Variants in TBCD observed in about 807,000 individuals in gnomAD.
The protein encoded by TBCD is tubulin folding cofactor D.
In TBCD, 105 loss-of-function variants were observed where a neutral mutation model predicts 169.3. That is an observed-to-expected ratio of 0.62 (90% CI 0.53 to 0.73). The LOEUF (loss-of-function observed/expected upper bound fraction) is 0.73. Among genes scored for constraint, TBCD ranks in the 30% least tolerant of loss-of-function variants. The probability of loss-of-function intolerance (pLI) is 0.00; values close to 1 mark genes in which losing one functional copy is unlikely to be tolerated. For missense variants in TBCD, 1,444 were observed against 1,600.1 expected, an observed-to-expected ratio of 0.90 and a Z score of 1.66; for synonymous variants, 700 against 643.9, an observed-to-expected ratio of 1.09 and a Z score of -1.32.
intron 2 of TBCD, among the ~76,000 whole-genome samples, chr17:82,760,542 A>T (rs1036725939): frequency 6.6e-6 from 1 of 152,130 alleles, no homozygotes; most frequent in Admixed American, 6.5e-5. Context: ...GTTATTGCTG[A>T]TGTCTAGTGA....
chr17:82,897,688 C>T (rs1201055499), intron 17 of TBCD, among the ~76,000 whole-genome samples: 1 of 152,162 alleles, frequency 6.6e-6, no homozygotes, highest in Non-Finnish European at 1.5e-5. Flanking sequence ...CATGACCCTC[C>T]CTCCAGGAGG....
At chr17:82,935,152 A>C (rs9893200) in intron 34 of TBCD, among the ~76,000 whole-genome samples, 76,270 of 151,716 alleles carry the variant, frequency 0.5, 19,305 homozygotes, top group East Asian at 0.64. Flanking sequence ...ATTTCTCTCT[A>C]CAGTTTTGTC....
rs554562743 is a variant in TBCD at position 82,779,389 on chromosome 17, G to A, written c.639-2200G>A. On this transcript the variant is annotated intron_variant, in intron 6 of 38. Coordinates refer to ENST00000355528, the MANE Select transcript of TBCD (RefSeq NM_005993.5). The stretch of plus-strand genomic sequence containing the variant: ...ACCCACCTCCGCCTCCCAAATTGCT[G>A]GGATTACAGGGGTGAGCCACTGTGC... 2.6e-5 allele frequency among the ~76,000 whole-genome samples: 4 copies of A among 152,286 alleles called. No homozygotes were observed. In the East Asian group the frequency reaches 7.7e-4, roughly 29 times the overall value.
chr17:82,766,539 A>G (rs1377670251), intron 4 of TBCD, among the ~76,000 whole-genome samples, 171 bp downstream of exon 4: 1 of 151,910 alleles, frequency 6.6e-6, no homozygotes, highest in Non-Finnish European at 1.5e-5. Context: ...TACTTCTTGT[A>G]CAAGTTGCTT....
At chr17:82,753,407 A>G (rs2047219849) in intron 1 of TBCD, among the ~76,000 whole-genome samples, 1 of 147,042 alleles carries the variant, frequency 6.8e-6, no homozygotes, top group African/African-American at 2.5e-5. Flanking sequence ...CAGTGAAGCC[A>G]GATTTTTTGT....
chr17:82,881,424 C>T (rs1312053844), intron 14 of TBCD, among the ~76,000 whole-genome samples: 1 of 152,350 alleles, frequency 6.6e-6, no homozygotes, highest in African/African-American at 2.4e-5. Context: ...GGTCCCGGAA[C>T]GTGGGTCTGG....
At chr17:82,850,317 T>TGTTGGCTGTGCTGTC (rs2055651505) in intron 13 of TBCD, among the ~76,000 whole-genome samples, 1 of 150,612 alleles carries the variant, frequency 6.6e-6, no homozygotes, top group Non-Finnish European at 1.5e-5. Flanking sequence ...GCTCTTCTGC[T>TGTTGGCTGTGCTGTC]GTTGGCTGTG....
intron 24 of TBCD, chr17:82,921,262 A>G: frequency 1.8e-6 from 1 of 557,340 alleles, no homozygotes; most frequent in South Asian, 2.5e-5. Context: ...GTGATGTATA[A>G]AAATTTACAG....
At chr17:82,768,255 G>A (rs900457582) in intron 4 of TBCD, among the ~76,000 whole-genome samples, 165 bp from the exon 5 acceptor site, 4 of 152,038 alleles carry the variant, frequency 2.6e-5, no homozygotes, top group African/African-American at 7.3e-5. Context: ...GGGATGTGGC[G>A]AGGAGTTGGT....
intron 9 of TBCD, among the ~76,000 whole-genome samples, chr17:82,803,190 C>G (rs184922432): frequency 6.6e-6 from 1 of 152,266 alleles, no homozygotes; most frequent in African/African-American, 2.4e-5. Context: ...AGCCTTGGCT[C>G]GAGGCTTTGT....
chr17:82,884,069 G>C lies in TBCD; in HGVS notation c.1476-76G>C. On this transcript the variant is annotated intron_variant, in intron 14 of 38. Coordinates refer to ENST00000355528, the MANE Select transcript of TBCD (RefSeq NM_005993.5). The surrounding 1 kb of genome is among the most constrained non-coding windows in gnomAD (Gnocchi z 4.2). ...AGTGGGCCTGAGTCGTGAGAGAAAG[G>C]CTTTCTCATCGATACTGTGTGGTCT... The C allele has an allele frequency of 7.1e-7, 1 of 1,413,278 alleles. No individual in the cohort carries two copies. The highest frequency in any genetic ancestry group is 9.8e-7 in the Non-Finnish European group (1 of 1,023,546). The allele number at this position is 1,413,278 out of a possible 1,614,324, so 87.5% of individuals were successfully genotyped here. A position where few individuals can be genotyped will look rare whatever the true frequency, so the allele number is the denominator to read the frequency against.
In TBCD at chr17:82,887,129, C is replaced by G. The variant is rs934599170; in HGVS notation, c.1534-2539C>G. Among the ~76,000 whole-genome samples the G allele has an allele frequency of 7.6e-5, 5 of 66,212 alleles. No individual in the cohort carries two copies. In the East Asian group the frequency reaches 2.8e-3, roughly 38 times the overall value. The allele number at this position is 66,212 out of a possible 152,430, so 43.4% of individuals were successfully genotyped here. A position where few individuals can be genotyped will look rare whatever the true frequency, so the allele number is the denominator to read the frequency against. ...TCCTTCTTCCTTGGTTTTACCTGTA[C>G]TCTGTGTGTGTGTGTGTGTGTGTGT... On this transcript the variant is annotated intron_variant, in intron 15 of 38. Transcript: ENST00000355528.
In TBCD at chr17:82,945,146, A is replaced by G. The variant is rs1042117519; in HGVS notation, c.*2683A>G. The G allele has an allele frequency of 6.6e-6, 1 of 152,214 alleles. No individual in the cohort carries two copies. Among genetic ancestry groups the G allele is most frequent in the Admixed American group, 6.5e-5 (1 of 15,278 alleles). 9.4% of individuals were successfully genotyped at this position (152,214 alleles called of 1,614,324 possible). On this transcript the variant is annotated 3_prime_UTR_variant, in exon 39 of 39. Coordinates refer to ENST00000355528, the MANE Select transcript of TBCD (RefSeq NM_005993.5). Reference sequence around the variant, plus strand: ...TCAAGAAGAGATTAGAAAAAAACAGAGCCCCTAGAAATGTAAGAAGTGAAA... The same window carrying G: ...TCAAGAAGAGATTAGAAAAAAACAGGGCCCCTAGAAATGTAAGAAGTGAAA...
intron 33 of TBCD, among the ~76,000 whole-genome samples, chr17:82,931,587 C>T (rs2062217919): frequency 6.6e-6 from 1 of 152,226 alleles, no homozygotes; most frequent in East Asian, 1.9e-4. Context: ...GTGCATCTGT[C>T]TGTGGGCATT....
chr17:82,902,407 A>G (rs1232882590), intron 18 of TBCD, among the ~76,000 whole-genome samples: 2 of 152,250 alleles, frequency 1.3e-5, no homozygotes, highest in Non-Finnish European at 1.5e-5. Flanking sequence ...TTGCGGCTGC[A>G]GACTGCATTG....
chr17:82,865,714 C>T (rs1004125013), intron 13 of TBCD, among the ~76,000 whole-genome samples: 2 of 152,200 alleles, frequency 1.3e-5, no homozygotes, highest in Admixed American at 6.5e-5. Flanking sequence ...TATCAGAAGG[C>T]GTAACTATAT....
intron 34 of TBCD, 104 bp from the exon 35 acceptor site, chr17:82,937,167 T>G: frequency 1.9e-6 from 2 of 1,027,980 alleles, no homozygotes; most frequent in Non-Finnish European, 3.0e-6. Flanking sequence ...CTTCTTGGAC[T>G]GAGCCACTGG....
intron 13 of TBCD, among the ~76,000 whole-genome samples, chr17:82,861,852 C>T (rs2056792909): frequency 6.6e-6 from 1 of 151,770 alleles, no homozygotes; most frequent in African/African-American, 2.4e-5. Flanking sequence ...AAGTAAGGTG[C>T]TTTCATAGAG....
At chr17:82,780,637 G>A (rs1456963389) in intron 6 of TBCD, among the ~76,000 whole-genome samples, 1 of 125,154 alleles carries the variant, frequency 8.0e-6, no homozygotes, top group Non-Finnish European at 1.6e-5. Context: ...AAAAAAGGAA[G>A]ACTTGGGCTT....
Sources: gnomAD v4.1 joint callset for allele counts (sites outside exome capture counted in the v4.1 genomes callset) on GRCh38, gnomAD v4.1.1 for gene constraint, Gnocchi (gnomAD v3.1) non-coding constraint, MANE v1.5 for transcripts, NCBI Gene and HGNC (gene_info 2026-07-23, HGNC 2026-07-21) for gene names.